Variants in COL11A2 observed in about 807,000 individuals in gnomAD.
COL11A2 encodes the protein collagen type XI alpha 2 chain.
A neutral mutation model predicts 273.4 loss-of-function variants in COL11A2; 116 were observed. The observed-to-expected ratio is 0.42, with a 90% CI of 0.36 to 0.49. The LOEUF (loss-of-function observed/expected upper bound fraction) is 0.49, where lower values mean the gene tolerates loss of function less well. COL11A2 is among the 20% of genes least tolerant of loss of function. COL11A2 has a pLI of 0.00. For synonymous variants in COL11A2, 782 were observed against 864.2 expected, an observed-to-expected ratio of 0.90 and a Z score of 1.67; for missense variants, 1,866 against 2,309.0, an observed-to-expected ratio of 0.81 and a Z score of 3.93.
At chr6:33,181,287 T>C (rs1443877729) in intron 8 of COL11A2, 117 bp from the exon 9 acceptor site, 3 of 1,061,058 alleles carry the variant, frequency 2.8e-6, no homozygotes, top group East Asian at 2.4e-5. Context: ...ACTTCAGCCC[T>C]ACCCGAAAGC....
Position 33,179,186 on chromosome 6 carries a change from G to A in COL11A2, c.1557+45C>T. 6.2e-7 allele frequency: 1 copy of A among 1,611,682 alleles called. No homozygotes were observed. On this transcript the variant is annotated intron_variant, in intron 15 of 65. Transcript: ENST00000341947. This position sits in a 1 kb window ranked among gnomAD's most constrained non-coding sequence, Gnocchi z 6.4. ...CATAGGGAGGGGAGTGAGGGAGACT[G>A]AGCTGGTGAACAGATATGGGGGTGC...
At position 33,178,925 on chromosome 6, in the gene COL11A2, C is replaced by T. The variant is rs1213061310; in HGVS notation, c.1660G>A (p.Val554Met). The change falls in exon 17 of 66, where the codon GTG becomes ATG. Residue 554 changes from valine (V) to methionine (M), a missense_variant. Transcript: ENST00000341947. The surrounding 1 kb of genome is among the most constrained non-coding windows in gnomAD (Gnocchi z 4.6). ...GAGGGGCCCAAGCCTGTTACCTTCA[C>T]TCCAGGATCTCCAGGCATCCCTCGG... The part of the protein sequence containing the change: ...GARGMPGDPG[V>M]KGDRGFDGLP... The T allele has an allele frequency of 6.2e-7, 1 of 1,614,014 alleles. No homozygotes were observed. The highest frequency in any genetic ancestry group is 1.6e-4 in the Middle Eastern group (1 of 6,062).
At chr6:33,172,448 C>G (rs1272465742) in intron 39 of COL11A2, 70 bp from the exon 40 acceptor site, 32 of 1,555,692 alleles carry the variant, frequency 2.1e-5, no homozygotes, top group East Asian at 1.4e-4. Flanking sequence ...TCCAGCCCCC[C>G]CTCAAATCTC....
chr6:33,179,129 G>A lies in COL11A2; in HGVS notation c.1558-3C>T, dbSNP rs1771346587. ...AGGCCCTGAGGTCCTCTGGGGCCCT[G>A]GTGAGAGGAGAGATGGGGTGGGGTT... is the stretch of plus-strand genomic sequence containing the variant. On this transcript the variant is annotated splice_region_variant and splice_polypyrimidine_tract_variant and intron_variant, in intron 15 of 65. Coordinates refer to ENST00000341947, the MANE Select transcript of COL11A2 (RefSeq NM_080680.3). The surrounding 1 kb of genome is among the most constrained non-coding windows in gnomAD (Gnocchi z 6.4). 6.2e-7 allele frequency: 1 copy of A among 1,613,606 alleles called. No individual in the cohort carries two copies. Among genetic ancestry groups the A allele is most frequent in the African/African-American group, 1.3e-5 (1 of 74,904 alleles).
chr6:33,187,879 A>C (rs1157224950), intron 4 of COL11A2, among the ~76,000 whole-genome samples: 1 of 151,734 alleles, frequency 6.6e-6, no homozygotes, highest in Non-Finnish European at 1.5e-5. Flanking sequence ...AGCTGGATGG[A>C]GGAGTTGAAG....
chr6:33,167,004 T>A lies in COL11A2; in HGVS notation c.4230+66A>T. 1.2e-6 allele frequency: 2 copies of A among 1,603,536 alleles called. No individual in the cohort carries two copies. Among genetic ancestry groups the A allele is most frequent in the Non-Finnish European group, 1.7e-6 (2 of 1,172,840 alleles). On this transcript the variant is annotated intron_variant, in intron 58 of 65. Transcript: ENST00000341947. This position sits in a 1 kb window ranked among gnomAD's most constrained non-coding sequence, Gnocchi z 6.1. ...TGAAGCAGAGCAGTGGGCACTTGGG[T>A]CCCACAGGTTTCAGGGGCGAGGGTG...
rs142586242 is a variant in COL11A2, at chr6:33,165,931, C to T, written c.4482G>A (p.Pro1494=). 1.2e-6 allele frequency: 2 copies of T among 1,613,780 alleles called. No individual in the cohort carries two copies. Among genetic ancestry groups the T allele is most frequent in the African/African-American group, 1.3e-5 (1 of 74,870 alleles). Residue 1494 remains proline, a splice_region_variant and synonymous_variant, in exon 62 of 66, where the codon CCG becomes CCA. Coordinates refer to ENST00000341947, the MANE Select transcript of COL11A2 (RefSeq NM_080680.3). The surrounding 1 kb of genome is among the most constrained non-coding windows in gnomAD (Gnocchi z 7.7). The stretch of plus-strand genomic sequence containing the variant: ...GGAGCAGCCCTGACTCCTCACTCAC[C>T]GGGTGTCCTGGAGGGCCCTGCACAC... ...EKGVQGPPGH[P]GPPGEVIQPL...
chr6:33,163,556 C>A lies in COL11A2; in HGVS notation c.*122G>T. The A allele has an allele frequency of 6.6e-7, 1 of 1,515,602 alleles. No homozygotes were observed. Among genetic ancestry groups the A allele is most frequent in the Non-Finnish European group, 9.1e-7 (1 of 1,094,642 alleles). 93.9% of individuals were successfully genotyped at this position (1,515,602 alleles called of 1,614,324 possible). A position where few individuals can be genotyped will look rare whatever the true frequency, so the allele number is the denominator to read the frequency against. On this transcript the variant is annotated 3_prime_UTR_variant, in exon 66 of 66. Transcript: ENST00000341947. This position sits in a 1 kb window ranked among gnomAD's most constrained non-coding sequence, Gnocchi z 4.1. The stretch of plus-strand genomic sequence containing the variant: ...CTGGCCTGCCCCGACTGAGGGCTCT[C>A]CACGCCCTGGCCCAGGGCTCCCTAG...
chr6:33,173,397 G>A lies in COL11A2; in HGVS notation c.2687C>T (p.Pro896Leu), dbSNP rs150065075. The change falls in exon 37 of 66, where the codon CCC (proline) becomes CTC (leucine). Residue 896 changes from proline to leucine, a missense_variant. Coordinates refer to ENST00000341947, the MANE Select transcript of COL11A2 (RefSeq NM_080680.3). This position sits in a 1 kb window ranked among gnomAD's most constrained non-coding sequence, Gnocchi z 6.3. ...TCCCGGCAGCCCATCCTTCCCAGGG[G>A]GGCCCTGGAAGGGGTTCAGTTGTCA... Reference protein sequence around the residue: ...GFPGPKGPPGPPGKDGLPGHP... With the variant: ...GFPGPKGPPGLPGKDGLPGHP... 17 of 1,613,006 alleles carry A rather than the reference G, an allele frequency of 1.1e-5. No homozygotes were observed. The highest frequency in any genetic ancestry group is 1.3e-5 in the African/African-American group (1 of 74,884).
At position 33,166,327 on chromosome 6, in the gene COL11A2, G is replaced by T; in HGVS notation, c.4393-121C>A. The stretch of plus-strand genomic sequence containing the variant: ...GGGTTACTACAGGAGGGGCAGTCTT[G>T]TGGGAATACTAGGACATTCAGAGCC... On this transcript the variant is annotated intron_variant, in intron 60 of 65. Coordinates refer to ENST00000341947, the MANE Select transcript of COL11A2 (RefSeq NM_080680.3). The surrounding 1 kb of genome is among the most constrained non-coding windows in gnomAD (Gnocchi z 4.8). 7.5e-7 allele frequency: 1 copy of T among 1,326,310 alleles called. No homozygotes were observed. 82.2% of individuals were successfully genotyped at this position (1,326,310 alleles called of 1,614,324 possible).
In COL11A2 at chr6:33,165,063, C is replaced by T. The variant is rs574217289; in HGVS notation, c.4751-99G>A. ...CCTCTTCCCTCCCAGCCCTCCCCAT[C>T]ATGCTCTTAGTCTCCTGGTCCTCCT... On this transcript the variant is annotated intron_variant, in intron 63 of 65. Transcript: ENST00000341947. The surrounding 1 kb of genome is among the most constrained non-coding windows in gnomAD (Gnocchi z 7.7). 3.3e-6 allele frequency: 3 copies of T among 897,054 alleles called. No homozygotes were observed. The South Asian group carries it at 4.5e-5, about 13-fold the overall frequency. The allele number at this position is 897,054 out of a possible 1,614,324, so 55.6% of individuals were successfully genotyped here.
Position 33,180,981 on chromosome 6 carries a change from CA to C in COL11A2, c.1203del (p.Gly402AlafsTer8). On this transcript the variant is annotated frameshift_variant, in exon 10 of 66. Coordinates refer to ENST00000341947, the MANE Select transcript of COL11A2 (RefSeq NM_080680.3). LOFTEE classifies it high-confidence loss of function. ...AGACTTACCGCAGGGCCTTCTGGGC[CA>C]GGGGGCCCCTCCACGAGCATACCCT... The part of the protein sequence containing the change: ...LEPGMLVEGP[P>X]GPEGPAGLIG... 2.5e-6 allele frequency: 4 copies of C among 1,614,054 alleles called. No individual in the cohort carries two copies. The highest frequency in any genetic ancestry group is 3.4e-6 in the Non-Finnish European group (4 of 1,179,970).
In COL11A2 at chr6:33,173,490, G is replaced by T. The variant is rs760703727; in HGVS notation, c.2682+12C>A. 1.2e-6 allele frequency: 2 copies of T among 1,612,368 alleles called. No individual in the cohort carries two copies. Among genetic ancestry groups the T allele is most frequent in the Non-Finnish European group, 1.7e-6 (2 of 1,179,552 alleles). On this transcript the variant is annotated intron_variant, in intron 36 of 65. Coordinates refer to ENST00000341947, the MANE Select transcript of COL11A2 (RefSeq NM_080680.3). The surrounding 1 kb of genome is among the most constrained non-coding windows in gnomAD (Gnocchi z 6.3). ...GAGAAGCGAGGTGGGTCAGAGCTCGGGGTCAACTTACCGGGGGTCCTTTCG... is the reference window on the plus strand; with the variant it reads ...GAGAAGCGAGGTGGGTCAGAGCTCGTGGTCAACTTACCGGGGGTCCTTTCG...
At chr6:33,192,091 G>T in intron 1 of COL11A2, 68 bp downstream of exon 1, 1 of 1,429,928 alleles carries the variant, frequency 7.0e-7, no homozygotes, top group Non-Finnish European at 9.6e-7. Context: ...GCATCAGCTG[G>T]CCCCTTCCCA....
In COL11A2 at chr6:33,185,025, G is replaced by T; in HGVS notation, c.906C>A (p.Ile302=). Residue 302 remains isoleucine (I), a synonymous_variant, in exon 7 of 66, where the codon ATC becomes ATA. Coordinates refer to ENST00000341947, the MANE Select transcript of COL11A2 (RefSeq NM_080680.3). ...QDPTPGEEEE[I]LESSLLPPLE... is the part of the protein sequence containing the mutation. ...GGGGTGGCAAGAGGCTCGACTCCAGGATTTCTTCCTCTTCACCTGGGGTGG... is the reference window on the plus strand; with the variant it reads ...GGGGTGGCAAGAGGCTCGACTCCAGTATTTCTTCCTCTTCACCTGGGGTGG... 1 of 1,551,414 alleles carries T rather than the reference G, an allele frequency of 6.4e-7. No homozygotes were observed. The highest frequency in any genetic ancestry group is 8.7e-7 in the Non-Finnish European group (1 of 1,146,792).
chr6:33,164,955 C>T lies in COL11A2; in HGVS notation c.4760G>A (p.Trp1587Ter), dbSNP rs1471622578. Residue 1587 changes from tryptophan (W) to a stop codon, truncating the protein, a stop_gained, in exon 64 of 66, where the codon TGG (tryptophan) becomes TAG (stop). Transcript: ENST00000341947. LOFTEE classifies it high-confidence loss of function. The surrounding 1 kb of genome is among the most constrained non-coding windows in gnomAD (Gnocchi z 4.7). ...CHPELPDGEY[W>*]VDPNQGCARD... ...AGCACAGCCCTGGTTGGGGTCGACC[C>T]AGTACTCTCCTGTTGGGTGAGGGAG... is the stretch of plus-strand genomic sequence containing the variant. The T allele has an allele frequency of 6.4e-7, 1 of 1,573,406 alleles. No homozygotes were observed. The highest frequency in any genetic ancestry group is 8.6e-7 in the Non-Finnish European group (1 of 1,158,046).
rs747612565 is a variant in COL11A2, at chr6:33,189,503, A to G, written c.83-34T>C. ...GTCCATGATTATCAGGAGAAGGGAC[A>G]TGCCCTCAGGAGGGCATAAATAGGG... On this transcript the variant is annotated intron_variant, in intron 1 of 65. Coordinates refer to ENST00000341947, the MANE Select transcript of COL11A2 (RefSeq NM_080680.3). This position sits in a 1 kb window ranked among gnomAD's most constrained non-coding sequence, Gnocchi z 5.6. The G allele has an allele frequency of 1.9e-6, 3 of 1,612,474 alleles. No homozygotes were observed. The highest frequency in any genetic ancestry group is 2.2e-5 in the East Asian group (1 of 44,854).
chr6:33,164,504 G>A lies in COL11A2; in HGVS notation c.4864-31C>T, dbSNP rs557982599. 47 of 1,496,048 alleles carry A rather than the reference G, an allele frequency of 3.1e-5. No homozygotes were observed. The highest frequency in any genetic ancestry group is 2.1e-4 in the African/African-American group (15 of 71,804). The allele number at this position is 1,496,048 out of a possible 1,614,324, so 92.7% of individuals were successfully genotyped here. On this transcript the variant is annotated intron_variant, in intron 64 of 65. Coordinates refer to ENST00000341947, the MANE Select transcript of COL11A2 (RefSeq NM_080680.3). This position sits in a 1 kb window ranked among gnomAD's most constrained non-coding sequence, Gnocchi z 4.7. ...AGGAGAGAGAGGGCTGGCCTCAGAG[G>A]GGGAGAGAGAGGGCTGGCCTCAGAG...
chr6:33,168,792 C>A, intron 52 of COL11A2, 33 bp from the exon 53 acceptor site: 8 of 1,598,060 alleles, frequency 5.0e-6, no homozygotes, highest in Non-Finnish European at 6.8e-6. Flanking sequence ...GAGGTGGGCC[C>A]CCAACCTGGC....
Sources: gnomAD v4.1 joint callset for allele counts (sites outside exome capture counted in the v4.1 genomes callset) on GRCh38, gnomAD v4.1.1 for gene constraint, Gnocchi (gnomAD v3.1) non-coding constraint, MANE v1.5 for transcripts, NCBI Gene and HGNC (gene_info 2026-07-23, HGNC 2026-07-21) for gene names.